Variants in SPAG1 observed in about 807,000 individuals in gnomAD.
SPAG1 encodes sperm associated antigen 1.
In SPAG1, 69 loss-of-function variants were observed where a neutral mutation model predicts 100.5. That is an observed-to-expected ratio of 0.69 (90% CI 0.57 to 0.84). SPAG1 has a LOEUF of 0.84. SPAG1 is among the 40% of genes least tolerant of loss of function. SPAG1 has a pLI of 0.00. For missense variants in SPAG1, 955 were observed against 1,133.1 expected, an observed-to-expected ratio of 0.84 and a Z score of 2.26; for synonymous variants, 336 against 411.6, an observed-to-expected ratio of 0.82 and a Z score of 2.22.
chr8:100,176,585 G>A (rs1816128933), intron 3 of SPAG1, among the ~76,000 whole-genome samples: 1 of 152,012 alleles, frequency 6.6e-6, no homozygotes, highest in South Asian at 2.1e-4. Context: ...GGCTGGTCTG[G>A]AACTCCTGAC....
chr8:100,192,179 A>G (rs1316531041), intron 9 of SPAG1, among the ~76,000 whole-genome samples: 2 of 152,130 alleles, frequency 1.3e-5, no homozygotes, highest in Non-Finnish European at 2.9e-5. Flanking sequence ...AAATTTAGGA[A>G]ACCAGCTGAG....
chr8:100,216,783 A>G (rs1763260846), intron 12 of SPAG1, among the ~76,000 whole-genome samples: 1 of 152,066 alleles, frequency 6.6e-6, no homozygotes, highest in South Asian at 2.1e-4. Context: ...CAGAGAAGCC[A>G]CTCTGTGCTT....
At chr8:100,211,692 A>T (rs1315568725) in intron 10 of SPAG1, among the ~76,000 whole-genome samples, 1 of 152,212 alleles carries the variant, frequency 6.6e-6, no homozygotes, top group Non-Finnish European at 1.5e-5. Context: ...AATAAAAACA[A>T]GTCCGAGTTA....
chr8:100,221,073 CA>C (rs1225636570), intron 13 of SPAG1, among the ~76,000 whole-genome samples: 69 of 149,232 alleles, frequency 4.6e-4, no homozygotes, highest in Middle Eastern at 3.4e-3. Context: ...ATTCCAACTC[CA>C]AAAAAAAAAA....
rs1816200195 is a variant in SPAG1, at chr8:100,177,925, G to A, written c.410G>A (p.Cys137Tyr). 6.2e-7 allele frequency: 1 copy of A among 1,612,788 alleles called. No homozygotes were observed. The highest frequency in any genetic ancestry group is 8.5e-7 in the Non-Finnish European group (1 of 1,179,074). The change falls in exon 4 of 19, where the codon TGT becomes TAT. Residue 137 changes from cysteine (C) to tyrosine (Y), a missense_variant. Cys to Tyr is a radical substitution (Grantham distance 194, BLOSUM62 -2). Coordinates refer to ENST00000388798, the MANE Select transcript of SPAG1 (RefSeq NM_003114.5). The stretch of plus-strand genomic sequence containing the variant: ...CCTCCAGTTCGTGGTTCAAACAGCT[G>A]TCTTCATGTAGGCAAGGTAGGCTTC... ...NLPPVRGSNSCLHVGKEKYSK... is the reference protein window; with the variant it reads ...NLPPVRGSNSYLHVGKEKYSK...
intron 12 of SPAG1, among the ~76,000 whole-genome samples, chr8:100,219,673 A>C (rs1339237378): frequency 6.6e-6 from 1 of 152,258 alleles, no homozygotes; most frequent in Non-Finnish European, 1.5e-5. Flanking sequence ...AAACAAAACC[A>C]AAAAACACAA....
chr8:100,160,319 T>C (rs1317717627), intron 1 of SPAG1, among the ~76,000 whole-genome samples: 1 of 152,150 alleles, frequency 6.6e-6, no homozygotes, highest in Non-Finnish European at 1.5e-5. Flanking sequence ...TAATTCAAAT[T>C]TGTGCTAAGA....
At chr8:100,168,687 CT>C (rs747506730) in intron 3 of SPAG1, among the ~76,000 whole-genome samples, 35 of 95,622 alleles carry the variant, frequency 3.7e-4, no homozygotes, top group East Asian at 9.5e-4. Context: ...GCCCAGCCAT[CT>C]TTTTTTTTTT....
intron 16 of SPAG1, among the ~76,000 whole-genome samples, chr8:100,238,794 C>G (rs1324389529): frequency 1.3e-5 from 2 of 152,176 alleles, no homozygotes; most frequent in African/African-American, 4.8e-5. Context: ...TTTCTTGGTA[C>G]AGCCTTGTGA....
chr8:100,163,637 C>G (rs548774261), intron 2 of SPAG1, among the ~76,000 whole-genome samples: 61 of 152,296 alleles, frequency 4.0e-4, no homozygotes, highest in African/African-American at 1.3e-3. Context: ...TTCTTTATTT[C>G]CTCTATCCCT....
intron 10 of SPAG1, among the ~76,000 whole-genome samples, chr8:100,196,809 CTTGCTCTGTTGTTCG>C (rs1817051254): frequency 6.6e-6 from 1 of 151,980 alleles, no homozygotes. Context: ...GAGATAGGGT[CTTGCTCTGTTGTTCG>C]GGCTAGAGTG....
intron 10 of SPAG1, among the ~76,000 whole-genome samples, chr8:100,207,071 G>C (rs1164619891): frequency 1.3e-5 from 2 of 152,164 alleles, no homozygotes; most frequent in Non-Finnish European, 2.9e-5. Context: ...CTTTCCTCTT[G>C]AGACAGCTCT....
chr8:100,196,330 T>C (rs1225644180), intron 10 of SPAG1, among the ~76,000 whole-genome samples: 1 of 152,262 alleles, frequency 6.6e-6, no homozygotes, highest in Admixed American at 6.5e-5. Context: ...CCATTTTGCA[T>C]TGCCATTAGT....
intron 14 of SPAG1, among the ~76,000 whole-genome samples, chr8:100,226,398 G>A (rs1158813081): frequency 6.6e-6 from 1 of 152,118 alleles, no homozygotes; most frequent in East Asian, 1.9e-4. Flanking sequence ...TAAACCTGTA[G>A]TAACCTCTTA....
intron 16 of SPAG1, among the ~76,000 whole-genome samples, chr8:100,234,013 G>A (rs900211213): frequency 2.0e-5 from 3 of 152,186 alleles, no homozygotes; most frequent in African/African-American, 7.2e-5. Flanking sequence ...GATGGTCAGT[G>A]TAAATCTGTA....
intron 11 of SPAG1, 142 bp downstream of exon 11, chr8:100,213,570 G>C: frequency 1.4e-6 from 1 of 731,602 alleles, no homozygotes; most frequent in Non-Finnish European, 2.0e-6. Flanking sequence ...GACTAAGAGC[G>C]CCGTGCCACC....
chr8:100,241,147 A>G lies in SPAG1; in HGVS notation c.*125A>G, dbSNP rs2132449467. 1.3e-6 allele frequency: 1 copy of G among 759,236 alleles called. No homozygotes were observed. The highest frequency in any genetic ancestry group is 2.8e-5 in the East Asian group (1 of 35,428). The allele number at this position is 759,236 out of a possible 1,614,324, so 47.0% of individuals were successfully genotyped here. On this transcript the variant is annotated 3_prime_UTR_variant, in exon 19 of 19. Coordinates refer to ENST00000388798, the MANE Select transcript of SPAG1 (RefSeq NM_003114.5). The surrounding 1 kb of genome is among the most constrained non-coding windows in gnomAD (Gnocchi z 5.1). The stretch of plus-strand genomic sequence containing the variant: ...AAAAGTTTGGTCTGCACTATAAAAC[A>G]TTTTACTTATTTTCCTACATAGAAC...
At chr8:100,197,043 C>T (rs1817062490) in intron 10 of SPAG1, among the ~76,000 whole-genome samples, 1 of 152,104 alleles carries the variant, frequency 6.6e-6, no homozygotes, top group African/African-American at 2.4e-5. Flanking sequence ...CACACCACCG[C>T]ACTCAGCTTG....
intron 4 of SPAG1, among the ~76,000 whole-genome samples, chr8:100,182,494 T>G (rs1816408737): frequency 6.6e-6 from 1 of 152,142 alleles, no homozygotes; most frequent in South Asian, 2.1e-4. Context: ...CAAGTACCCA[T>G]CAGGGAAAGT....
Sources: allele counts gnomAD v4.1 joint callset (sites outside exome capture counted in the v4.1 genomes callset), GRCh38; gene constraint gnomAD v4.1.1; non-coding constraint Gnocchi (gnomAD v3.1); transcripts MANE v1.5; gene names NCBI Gene and HGNC (gene_info 2026-07-23, HGNC 2026-07-21).